The following XPR1 variants were observed in gnomAD, a reference collection of about 807,000 sequenced individuals.
The protein encoded by XPR1 is solute carrier family 53 member 1.
A neutral mutation model predicts 87.5 loss-of-function variants in XPR1; 28 were observed. That is an observed-to-expected ratio of 0.32 (90% CI 0.24 to 0.44). The LOEUF (loss-of-function observed/expected upper bound fraction) is 0.44, where lower values mean the gene tolerates loss of function less well. Ranked by LOEUF, XPR1 falls within the 20% of genes least tolerant of loss-of-function variation. XPR1 has a pLI of 1.00. For missense variants in XPR1, 559 were observed against 862.3 expected (o/e 0.65, Z 4.41); for synonymous variants, 300 against 306.1 (o/e 0.98, Z 0.21).
At position 180,632,120 on chromosome 1, in the gene XPR1, A is replaced by T. The variant is rs1237120313; in HGVS notation, c.-82A>T. The T allele has an allele frequency of 1.3e-6, 2 of 1,504,644 alleles. No homozygotes were observed. Among genetic ancestry groups the T allele is most frequent in the Non-Finnish European group, 1.8e-6 (2 of 1,104,072 alleles). 93.2% of individuals were successfully genotyped at this position (1,504,644 alleles called of 1,614,324 possible). On this transcript the variant is annotated 5_prime_UTR_variant, in exon 1 of 15. The change abolishes an upstream ATG in the 5' untranslated region. Transcript: ENST00000367590. ...GCAGCGCCGCGCCGCGCCGGGGCCC[A>T]TGTGGGGAGGAGTCGGAGTCGCTGT... is the stretch of plus-strand genomic sequence containing the variant.
intron 1 of XPR1, among the ~76,000 whole-genome samples, chr1:180,679,213 C>A (rs72721001): frequency 0.054 from 8,120 of 151,646 alleles, 314 homozygotes; most frequent in Non-Finnish European, 0.079. Flanking sequence ...AAAAAACAAA[C>A]AAACAAAAAA....
Position 180,885,269 on chromosome 1 carries a change from C to T in XPR1, c.*1203C>T, listed in dbSNP as rs1046738182. On this transcript the variant is annotated 3_prime_UTR_variant, in exon 15 of 15. Coordinates refer to ENST00000367590, the MANE Select transcript of XPR1 (RefSeq NM_004736.4). ...GCACATGGAACAAATTATACTTCCT[C>T]ATTCATATTATGTTGATACAAAAGA... The T allele has an allele frequency of 6.6e-6, 1 of 152,622 alleles. No homozygotes were observed. Among genetic ancestry groups the T allele is most frequent in the Non-Finnish European group, 1.5e-5 (1 of 68,044 alleles). 9.5% of individuals were successfully genotyped at this position (152,622 alleles called of 1,614,324 possible).
chr1:180,834,474 T>C (rs974689887), intron 9 of XPR1, among the ~76,000 whole-genome samples: 4 of 152,250 alleles, frequency 2.6e-5, no homozygotes, highest in Non-Finnish European at 4.4e-5. Context: ...TCAAAATCTT[T>C]AGGCTCAAAT....
At chr1:180,796,209 C>T (rs924299247) in intron 3 of XPR1, among the ~76,000 whole-genome samples, 1 of 152,096 alleles carries the variant, frequency 6.6e-6, no homozygotes, top group African/African-American at 2.4e-5. Flanking sequence ...TCTGTGCAGT[C>T]CCATGTGTTT....
chr1:180,788,661 GA>G (rs1005206371), intron 3 of XPR1, among the ~76,000 whole-genome samples: 7 of 149,688 alleles, frequency 4.7e-5, no homozygotes, highest in African/African-American at 4.9e-5. Flanking sequence ...AGTAATTGAT[GA>G]AAAAAAAAGT....
At chr1:180,760,786 A>T (rs184225588) in intron 2 of XPR1, among the ~76,000 whole-genome samples, 1 of 152,324 alleles carries the variant, frequency 6.6e-6, no homozygotes, top group East Asian at 1.9e-4. Flanking sequence ...ATATGGAACC[A>T]AAAAAGAGCC....
chr1:180,766,539 T>G (rs1377446917), intron 2 of XPR1, among the ~76,000 whole-genome samples: 1 of 152,156 alleles, frequency 6.6e-6, no homozygotes, highest in East Asian at 1.9e-4. Context: ...CAAAAAGTAT[T>G]TTAGAAGAAA....
chr1:180,852,577 C>A (rs1394792098), intron 11 of XPR1, among the ~76,000 whole-genome samples: 5 of 152,294 alleles, frequency 3.3e-5, no homozygotes, highest in Middle Eastern at 6.8e-3. Context: ...GAGACAGGGT[C>A]TCACTCTGTC....
Position 180,687,644 on chromosome 1 carries a change from T to G in XPR1, c.121+5233T>G, listed in dbSNP as rs541216792. On this transcript the variant is annotated intron_variant, in intron 2 of 14. Transcript: ENST00000367590. ...TATGTTTACTTTAATTTGCTCTCTG[T>G]TACTCAAACAAATAAACACATTCAA... Among the ~76,000 whole-genome samples, 3 of 152,280 alleles carry G rather than the reference T, an allele frequency of 2.0e-5. No homozygotes were observed. In the South Asian group the frequency reaches 6.2e-4, roughly 32 times the overall value.
In XPR1 at chr1:180,797,247, C is replaced by T. The variant is rs189916152; in HGVS notation, c.224-6141C>T. Among the ~76,000 whole-genome samples, 9 of 152,186 alleles carry T rather than the reference C, an allele frequency of 5.9e-5. No individual in the cohort carries two copies. In the East Asian group the frequency reaches 1.5e-3, roughly 26 times the overall value. The stretch of plus-strand genomic sequence containing the variant: ...TTTTAGAACTGTTACCTTTAGAGTT[C>T]AGTCAGTCAGTGAAGCAAACATAAA... On this transcript the variant is annotated intron_variant, in intron 3 of 14. Coordinates refer to ENST00000367590, the MANE Select transcript of XPR1 (RefSeq NM_004736.4).
chr1:180,767,262 A>C (rs1648321474), intron 2 of XPR1, among the ~76,000 whole-genome samples: 1 of 152,222 alleles, frequency 6.6e-6, no homozygotes, highest in Non-Finnish European at 1.5e-5. Flanking sequence ...AAAAGCTCCC[A>C]CTCACTCCCT....
intron 11 of XPR1, among the ~76,000 whole-genome samples, chr1:180,858,105 A>T (rs1182362858): frequency 6.6e-6 from 1 of 152,132 alleles, no homozygotes; most frequent in Admixed American, 6.5e-5. Flanking sequence ...AGTCCCAGCT[A>T]CTCAGGAAGC....
chr1:180,677,186 C>T (rs2101938026), intron 1 of XPR1, among the ~76,000 whole-genome samples: 1 of 152,184 alleles, frequency 6.6e-6, no homozygotes, highest in East Asian at 1.9e-4. Flanking sequence ...GCCCAGGCTA[C>T]CCACATTTTG....
chr1:180,761,873 A>C (rs181537425), intron 2 of XPR1, among the ~76,000 whole-genome samples: 122 of 152,304 alleles, frequency 8.0e-4, no homozygotes, highest in Non-Finnish European at 5.1e-4. Context: ...AACCAACCCA[A>C]ATGTCCAACA....
intron 2 of XPR1, among the ~76,000 whole-genome samples, chr1:180,691,740 A>G (rs2101957972): frequency 6.6e-6 from 1 of 152,274 alleles, no homozygotes; most frequent in South Asian, 2.1e-4. Flanking sequence ...GTGACATTGA[A>G]GATGAAAGTG....
At chr1:180,797,463 T>C (rs374336187) in intron 3 of XPR1, among the ~76,000 whole-genome samples, 4 of 152,230 alleles carry the variant, frequency 2.6e-5, no homozygotes, top group East Asian at 1.9e-4. Flanking sequence ...TCTTGACTTA[T>C]TGTTGGCACA....
intron 2 of XPR1, among the ~76,000 whole-genome samples, chr1:180,765,341 C>G (rs536311424): frequency 2.0e-5 from 3 of 152,304 alleles, no homozygotes; most frequent in East Asian, 3.9e-4. Context: ...AATCTTCTTA[C>G]TAACTTGCTC....
intron 1 of XPR1, among the ~76,000 whole-genome samples, chr1:180,637,234 C>G (rs1238354071): frequency 1.3e-5 from 2 of 152,106 alleles, no homozygotes; most frequent in African/African-American, 4.8e-5. Flanking sequence ...TTGCCAGTGG[C>G]TTTTTCACTT....
intron 3 of XPR1, among the ~76,000 whole-genome samples, chr1:180,798,772 C>G (rs769744628): frequency 6.6e-6 from 1 of 152,140 alleles, no homozygotes; most frequent in Admixed American, 6.5e-5. Flanking sequence ...CAGCACCACA[C>G]CCTGCTAATT....
Sources: gnomAD v4.1 joint callset for allele counts (sites outside exome capture counted in the v4.1 genomes callset) on GRCh38, gnomAD v4.1.1 for gene constraint, MANE v1.5 for transcripts, NCBI Gene and HGNC (gene_info 2026-07-23, HGNC 2026-07-21) for gene names.